MINDY2: variants seen among roughly 807,000 people sequenced by gnomAD.
The protein encoded by MINDY2 is ubiquitin carboxyl-terminal hydrolase MINDY-2.
Under a neutral mutation model 68.2 loss-of-function variants are expected in MINDY2, and 52 were observed. That is an observed-to-expected ratio of 0.76 (90% CI 0.61 to 0.96). MINDY2 has a LOEUF of 0.96. MINDY2 is among the 40% of genes least tolerant of loss of function. MINDY2 has a pLI of 0.00. For synonymous variants in MINDY2, 372 were observed against 303.0 expected (o/e 1.23, Z -2.36); for missense variants, 881 against 773.4 (o/e 1.14, Z -1.65).
chr15:58,826,213 T>C (rs776026867), intron 5 of MINDY2, among the ~76,000 whole-genome samples: 15 of 150,864 alleles, frequency 9.9e-5, no homozygotes, highest in Non-Finnish European at 2.2e-4. Flanking sequence ...TTTTTTTCTG[T>C]ATTCACACAA....
intron 1 of MINDY2, among the ~76,000 whole-genome samples, chr15:58,774,484 CA>C (rs1309072656): frequency 7.0e-5 from 5 of 71,840 alleles, no homozygotes; most frequent in African/African-American, 3.2e-4. Flanking sequence ...AACCCCGTCC[CA>C]AAAAAAGAAA....
At chr15:58,778,441 T>A (rs1396335489) in intron 1 of MINDY2, among the ~76,000 whole-genome samples, 1 of 151,876 alleles carries the variant, frequency 6.6e-6, no homozygotes, top group Admixed American at 6.6e-5. Context: ...TTATATAAAG[T>A]TGGTTTCTCC....
chr15:58,804,813 A>AAAAAG (rs1175319156), intron 3 of MINDY2, among the ~76,000 whole-genome samples: 13 of 152,140 alleles, frequency 8.5e-5, no homozygotes, highest in South Asian at 8.3e-4. Context: ...TACAAAAAAA[A>AAAAAG]AAAAGAAAAG....
chr15:58,825,430 A>G (rs2031331592), intron 5 of MINDY2, among the ~76,000 whole-genome samples: 1 of 152,152 alleles, frequency 6.6e-6, no homozygotes, highest in Non-Finnish European at 1.5e-5. Flanking sequence ...TAGAAACAAT[A>G]CCTTTTTGAA....
At chr15:58,777,708 C>T (rs1289662983) in intron 1 of MINDY2, among the ~76,000 whole-genome samples, 1 of 152,092 alleles carries the variant, frequency 6.6e-6, no homozygotes, top group African/African-American at 2.4e-5. Context: ...CTATTTATTA[C>T]ATTTAATTCG....
chr15:58,799,666 G>A (rs554041167), intron 2 of MINDY2, among the ~76,000 whole-genome samples: 13 of 152,160 alleles, frequency 8.5e-5, no homozygotes, highest in Admixed American at 2.6e-4. Flanking sequence ...AGTACCCCAA[G>A]GAAATGGGAA....
chr15:58,794,362 T>TGG (rs1274393864), intron 2 of MINDY2, among the ~76,000 whole-genome samples: 3 of 121,992 alleles, frequency 2.5e-5, no homozygotes, highest in South Asian at 2.2e-4. Context: ...TTTTGGGGTG[T>TGG]GTGTGTGTGT....
chr15:58,782,805 TTGAA>T (rs778232003), intron 1 of MINDY2, among the ~76,000 whole-genome samples: 1 of 152,086 alleles, frequency 6.6e-6, no homozygotes, highest in South Asian at 2.1e-4. Context: ...AGTTTATTCT[TTGAA>T]TGGAGGTAAT....
At position 58,771,832 on chromosome 15, in the gene MINDY2, C is replaced by A; in HGVS notation, c.437C>A (p.Ala146Asp). ...ACCTGCCAAGCAGAACTGACCGCCG[C>A]CGGCTCCGAAGAGCCCAGCAGCGCC... Reference protein sequence around the residue: ...AGTCQAELTAAGSEEPSSAGG... With the variant: ...AGTCQAELTADGSEEPSSAGG... Residue 146 changes from alanine (A) to aspartate (D), a missense_variant, in exon 1 of 9, where the codon GCC becomes GAC. Physicochemically the swap from Ala to Asp is moderately radical, Grantham distance 126. Transcript: ENST00000559228. 2 of 1,608,486 alleles carry A rather than the reference C, an allele frequency of 1.2e-6. No homozygotes were observed. Among genetic ancestry groups the A allele is most frequent in the Non-Finnish European group, 1.7e-6 (2 of 1,177,928 alleles).
intron 4 of MINDY2, among the ~76,000 whole-genome samples, chr15:58,813,692 C>G (rs1232969792): frequency 6.6e-6 from 1 of 151,808 alleles, no homozygotes; most frequent in Non-Finnish European, 1.5e-5. Context: ...CTTGCCGCAG[C>G]CTCCCAAGTA....
At chr15:58,778,173 T>C (rs1367237028) in intron 1 of MINDY2, among the ~76,000 whole-genome samples, 1 of 152,114 alleles carries the variant, frequency 6.6e-6, no homozygotes, top group Non-Finnish European at 1.5e-5. Flanking sequence ...CCAACATACA[T>C]ACAAAAAACT....
intron 5 of MINDY2, among the ~76,000 whole-genome samples, chr15:58,830,017 T>C (rs2031627372): frequency 6.6e-6 from 1 of 152,234 alleles, no homozygotes; most frequent in East Asian, 1.9e-4. Flanking sequence ...TATGAAACTT[T>C]TTAGGGCATT....
At chr15:58,823,514 A>T (rs2031202745) in intron 5 of MINDY2, among the ~76,000 whole-genome samples, 1 of 151,934 alleles carries the variant, frequency 6.6e-6, no homozygotes, top group African/African-American at 2.4e-5. Context: ...TCTCTAAAAA[A>T]TAAAAATAAA....
At chr15:58,831,736 A>G in intron 5 of MINDY2, 38 bp from the exon 6 acceptor site, 2 of 1,551,564 alleles carry the variant, frequency 1.3e-6, no homozygotes, top group South Asian at 1.2e-5. Flanking sequence ...TGATTTTGAA[A>G]TTATTCTTCT....
intron 1 of MINDY2, among the ~76,000 whole-genome samples, chr15:58,774,136 A>G (rs16940771): frequency 0.057 from 8,735 of 152,306 alleles, 877 homozygotes; most frequent in African/African-American, 0.2. Flanking sequence ...ATTCAGACAG[A>G]TTCAAGTGAA....
chr15:58,851,335 ATACT>A (rs1179697382), intron 7 of MINDY2, among the ~76,000 whole-genome samples: 4 of 152,216 alleles, frequency 2.6e-5, no homozygotes, highest in Non-Finnish European at 4.4e-5. Context: ...CCCAAGGGAA[ATACT>A]TAGGAAGATA....
chr15:58,802,317 T>C lies in MINDY2; in HGVS notation c.903T>C (p.Asp301=). The C allele has an allele frequency of 6.3e-7, 1 of 1,579,480 alleles. No individual in the cohort carries two copies. The highest frequency in any genetic ancestry group is 1.4e-5 in the African/African-American group (1 of 73,122). The change falls in exon 3 of 9, where the codon GAT becomes GAC. Residue 301 remains aspartate (D), a synonymous_variant. Transcript: ENST00000559228. ...TAEQLMEYLG[D]YMLDAKPKEI... ...ATTCTTTTTTTTTTTTTACAGGAGA[T>C]TACATGCTTGATGCAAAGCCAAAAG...
intron 6 of MINDY2, among the ~76,000 whole-genome samples, chr15:58,833,120 A>G (rs1002995320): frequency 6.6e-6 from 1 of 152,196 alleles, no homozygotes; most frequent in African/African-American, 2.4e-5. Context: ...AAGTTTGTCA[A>G]CTTATACATA....
intron 1 of MINDY2, among the ~76,000 whole-genome samples, chr15:58,774,013 A>G (rs1900608478): frequency 1.3e-5 from 2 of 152,178 alleles, no homozygotes. Context: ...AGGAATAACT[A>G]TTATTTTCCT....
Sources: gnomAD v4.1 joint callset for allele counts (sites outside exome capture counted in the v4.1 genomes callset) on GRCh38, gnomAD v4.1.1 for gene constraint, MANE v1.5 for transcripts, NCBI Gene and HGNC (gene_info 2026-07-23, HGNC 2026-07-21) for gene names.